The following ZNF417 variants were observed in gnomAD, a reference collection of about 807,000 sequenced individuals.
ZNF417 encodes zinc finger protein 417.
Under a neutral mutation model 7.4 loss-of-function variants are expected in ZNF417, and 5 were observed. The observed-to-expected ratio is 0.68, with a 90% CI of 0.35 to 1.43. ZNF417 has a LOEUF of 1.43. ZNF417 is among the 40% of genes most tolerant of loss of function. The probability of loss-of-function intolerance (pLI) is 0.04; values close to 1 mark genes in which losing one functional copy is unlikely to be tolerated. For synonymous variants in ZNF417, 147 were observed against 239.1 expected, an observed-to-expected ratio of 0.61 and a Z score of 3.55; for missense variants, 437 against 697.3, an observed-to-expected ratio of 0.63 and a Z score of 4.20.
At position 57,906,676 on chromosome 19, in the gene ZNF417, A is replaced by G; in HGVS notation, c.*1874T>C. On this transcript the variant is annotated 3_prime_UTR_variant, in exon 3 of 3. Coordinates refer to ENST00000312026, the MANE Select transcript of ZNF417 (RefSeq NM_152475.3). ...CTTGGGAGGCTGAGGCAAGAGAATC[A>G]CTTGAACCTGGGAGGCGGAGGTTGC... is the stretch of plus-strand genomic sequence containing the variant. Among the ~76,000 whole-genome samples the G allele has an allele frequency of 7.4e-6, 1 of 134,298 alleles. No individual in the cohort carries two copies. The highest frequency in any genetic ancestry group is 2.8e-5 in the African/African-American group (1 of 35,436). The allele number at this position is 134,298 out of a possible 152,430, so 88.1% of individuals were successfully genotyped here. A position where few individuals can be genotyped will look rare whatever the true frequency, so the allele number is the denominator to read the frequency against.
intron 1 of ZNF417, among the ~76,000 whole-genome samples, chr19:57,912,533 A>G (rs1361368654): frequency 1.3e-5 from 2 of 152,152 alleles, no homozygotes; most frequent in Admixed American, 6.6e-5. Context: ...CTGCAAAGAC[A>G]CATCCCCATG....
intron 1 of ZNF417, 144 bp from the exon 2 acceptor site, chr19:57,912,333 T>C (rs1157272823): frequency 1.6e-5 from 23 of 1,431,096 alleles, no homozygotes; most frequent in Non-Finnish European, 1.6e-5. Context: ...CCTTTGTCTC[T>C]TCATGGGCCC....
At chr19:57,915,405 C>A (rs1308586566) in intron 1 of ZNF417, 2 of 362,990 alleles carry the variant, frequency 5.5e-6, no homozygotes, top group Non-Finnish European at 1.0e-5. Context: ...TTGTTCCAGA[C>A]AGGTTCCATC....
chr19:57,910,257 G>A, intron 2 of ZNF417, 143 bp from the exon 3 acceptor site: 1 of 1,468,974 alleles, frequency 6.8e-7, no homozygotes. Context: ...TTGAAGATGG[G>A]GCTGCTGGCC....
In ZNF417 at chr19:57,909,203, T is replaced by G. The variant is rs781041172; in HGVS notation, c.1075A>C (p.Lys359Gln). 2 of 1,614,146 alleles carry G rather than the reference T, an allele frequency of 1.2e-6. No homozygotes were observed. The highest frequency in any genetic ancestry group is 2.2e-5 in the South Asian group (2 of 91,080). ...ERAYHCGECG[K>Q]SFRQKFCFIN... ...AAGCAGAACTTCTGACGAAAAGATT[T>G]CCCACATTCCCCACAGTGATAAGCT... The change falls in exon 3 of 3, where the codon AAA (lysine) becomes CAA (glutamine). Residue 359 changes from lysine to glutamine, a missense_variant. This residue lies in a region of ZNF417 where 53 missense variants were observed against 91.9 expected (regional missense o/e 0.58). Transcript: ENST00000312026.
chr19:57,914,120 A>G (rs972332049), intron 1 of ZNF417, among the ~76,000 whole-genome samples: 25 of 152,288 alleles, frequency 1.6e-4, no homozygotes, highest in Admixed American at 3.9e-4. Flanking sequence ...GTCCATGGTT[A>G]CAGCTGCTAA....
At position 57,908,609 on chromosome 19, in the gene ZNF417, A is replaced by G. The variant is rs752689294; in HGVS notation, c.1669T>C (p.Phe557Leu). 2 of 1,613,950 alleles carry G rather than the reference A, an allele frequency of 1.2e-6. No homozygotes were observed. The highest frequency in any genetic ancestry group is 1.7e-6 in the Non-Finnish European group (2 of 1,180,030). ...TGAAGGAGGGTAGAGCTTCGCTGAA[A>G]TGTTTTTCCACATTTGGTACATTCA... Reference protein sequence around the residue: ...PYECTKCGKTFQRSSTLLHHQ... With the variant: ...PYECTKCGKTLQRSSTLLHHQ... Residue 557 changes from phenylalanine to leucine, a missense_variant, in exon 3 of 3, where the codon TTT becomes CTT. Phe to Leu is a conservative substitution (Grantham distance 22). This residue lies in a region of ZNF417 where 233 missense variants were observed against 235.5 expected (regional missense o/e 0.99). Transcript: ENST00000312026.
Position 57,908,965 on chromosome 19 carries a change from C to A in ZNF417, c.1313G>T (p.Cys438Phe), listed in dbSNP as rs1363300110. 3 of 1,613,846 alleles carry A rather than the reference C, an allele frequency of 1.9e-6. No individual in the cohort carries two copies. The highest frequency in any genetic ancestry group is 2.5e-6 in the Non-Finnish European group (3 of 1,179,942). The part of the protein sequence containing the change: ...RLHTGERPYN[C>F]RECGKLFNRK... ...GTTAAATAATTTCCCACATTCCCTA[C>A]AATTGTAAGGTCTTTCCCCAGTGTG... is the stretch of plus-strand genomic sequence containing the variant. Residue 438 changes from cysteine (C) to phenylalanine (F), a missense_variant, in exon 3 of 3, where the codon TGT becomes TTT. By Grantham distance (205) the Cys-to-Phe change is radical. Transcript: ENST00000312026.
rs182228455 is a variant in ZNF417, at chr19:57,907,688, G to A, written c.*862C>T. The A allele has an allele frequency of 1.9e-5, 3 of 154,914 alleles. No homozygotes were observed. Among genetic ancestry groups the A allele is most frequent in the South Asian group, 2.0e-4 (1 of 4,910 alleles). 9.6% of individuals were successfully genotyped at this position (154,914 alleles called of 1,614,324 possible). A position where few individuals can be genotyped will look rare whatever the true frequency, so the allele number is the denominator to read the frequency against. On this transcript the variant is annotated 3_prime_UTR_variant, in exon 3 of 3. Transcript: ENST00000312026. Reference sequence around the variant, plus strand: ...CGGCCAAAACTGTGGCTACAGTGTCGACATTCATGCAAGTGGGGAAATGGG... The same window carrying A: ...CGGCCAAAACTGTGGCTACAGTGTCAACATTCATGCAAGTGGGGAAATGGG...
chr19:57,912,318 T>C, intron 1 of ZNF417, 129 bp from the exon 2 acceptor site: 1 of 1,493,370 alleles, frequency 6.7e-7, no homozygotes, highest in African/African-American at 1.4e-5. Context: ...CTATGTCCAC[T>C]AGTGCCTTTG....
chr19:57,914,980 C>A (rs183361818), intron 1 of ZNF417, among the ~76,000 whole-genome samples: 163 of 152,262 alleles, frequency 1.1e-3, no homozygotes, highest in Non-Finnish European at 1.3e-3. Flanking sequence ...GGATTGAACA[C>A]CCTCCACTTC....
intron 1 of ZNF417, among the ~76,000 whole-genome samples, chr19:57,912,881 A>G (rs1389953908): frequency 6.6e-6 from 1 of 151,848 alleles, no homozygotes; most frequent in Non-Finnish European, 1.5e-5. Context: ...TCCAAAAGTG[A>G]GATTACAGGG....
rs751640783 is a variant in ZNF417, at chr19:57,909,311, G to A, written c.967C>T (p.Pro323Ser). ...TTCCCATATTCTCTACACTCATAAG[G>A]CCTTTCTCCAGTGTGAACACGCTGA... Reference protein sequence around the residue: ...SHQRVHTGERPYECREYGKSF... With the variant: ...SHQRVHTGERSYECREYGKSF... The change falls in exon 3 of 3, where the codon CCT (proline) becomes TCT (serine). Residue 323 changes from proline (P) to serine (S), a missense_variant. Physicochemically the swap from Pro to Ser is moderately conservative, Grantham distance 74. Transcript: ENST00000312026. The A allele has an allele frequency of 1.9e-6, 3 of 1,614,120 alleles. No homozygotes were observed. Among genetic ancestry groups the A allele is most frequent in the East Asian group, 2.2e-5 (1 of 44,876 alleles).
At chr19:57,910,548 A>AAAT (rs970888322) in intron 2 of ZNF417, among the ~76,000 whole-genome samples, 28 of 152,016 alleles carry the variant, frequency 1.8e-4, no homozygotes, top group Admixed American at 3.3e-4. Flanking sequence ...CTCCATCTCA[A>AAAT]AATAATAATA....
rs545437915 is a variant in ZNF417, at chr19:57,908,107, A to G, written c.*443T>C. ...AAAAGAAATAGTAAGGTAATCTTAG[A>G]AAGATGTTGAATAGAAAGCAAGCTA... On this transcript the variant is annotated 3_prime_UTR_variant, in exon 3 of 3. Coordinates refer to ENST00000312026, the MANE Select transcript of ZNF417 (RefSeq NM_152475.3). 4.9e-5 allele frequency: 9 copies of G among 182,928 alleles called. No homozygotes were observed. The East Asian group carries it at 1.2e-3, about 25-fold the overall frequency. The allele number at this position is 182,928 out of a possible 1,614,324, so 11.3% of individuals were successfully genotyped here. A position where few individuals can be genotyped will look rare whatever the true frequency, so the allele number is the denominator to read the frequency against.
intron 1 of ZNF417, chr19:57,915,519 T>C (rs1237499237): frequency 1.3e-5 from 6 of 465,716 alleles, no homozygotes; most frequent in Non-Finnish European, 2.0e-5. Flanking sequence ...AAACCGTCTT[T>C]GCAAAATTAT....
At position 57,916,590 on chromosome 19, in the gene ZNF417, A is replaced by C. The variant is rs552368068; in HGVS notation, c.-179T>G. The C allele has an allele frequency of 2.1e-6, 3 of 1,459,684 alleles. No homozygotes were observed. The highest frequency in any genetic ancestry group is 2.7e-6 in the Non-Finnish European group (3 of 1,109,590). 90.4% of individuals were successfully genotyped at this position (1,459,684 alleles called of 1,614,324 possible). A position where few individuals can be genotyped will look rare whatever the true frequency, so the allele number is the denominator to read the frequency against. ...CCCGCGTCACCGATACACAGCCGCT[A>C]CTAGAGACCCCGGAAGTCTCAGCCT... On this transcript the variant is annotated 5_prime_UTR_variant, in exon 1 of 3. Transcript: ENST00000312026.
intron 1 of ZNF417, chr19:57,915,515 T>G (rs12972704): frequency 0.65 from 302,322 of 467,692 alleles, 100,771 homozygotes; most frequent in African/African-American, 0.87. Flanking sequence ...GGTGAAACCG[T>G]CTTTGCAAAA....
chr19:57,916,287 C>G, intron 1 of ZNF417, 92 bp downstream of exon 1: 1 of 1,608,602 alleles, frequency 6.2e-7, no homozygotes, highest in Non-Finnish European at 8.5e-7. Context: ...CGGGTACCGG[C>G]TACAGACCCG....
Sources: allele counts gnomAD v4.1 joint callset (sites outside exome capture counted in the v4.1 genomes callset), GRCh38; gene constraint gnomAD v4.1.1; regional missense constraint gnomAD v4.1.1; transcripts MANE v1.5; gene names NCBI Gene and HGNC (gene_info 2026-07-23, HGNC 2026-07-21).